The following FHIT variants were observed in gnomAD, a reference collection of about 807,000 sequenced individuals.
The protein encoded by FHIT is fragile histidine triad diadenosine triphosphatase.
A neutral mutation model predicts 17.9 loss-of-function variants in FHIT; 19 were observed. That is an observed-to-expected ratio of 1.06 (90% confidence interval 0.74 to 1.56). FHIT has a LOEUF of 1.56. Ranked by LOEUF, FHIT falls within the 40% of genes most tolerant of loss-of-function variation. FHIT has a pLI of 0.00. For missense variants in FHIT, 248 were observed against 189.2 expected (o/e 1.31, Z -1.82); for synonymous variants, 81 against 69.7 (o/e 1.16, Z -0.81).
intron 2 of FHIT, among the ~76,000 whole-genome samples, chr3:61,079,363 G>C (rs925909188): frequency 1.3e-5 from 2 of 151,944 alleles, no homozygotes; most frequent in African/African-American, 2.4e-5. Context: ...AGTGTTTCTG[G>C]CTTTTTGCAA....
At chr3:60,456,378 T>C (rs1210510570) in intron 5 of FHIT, among the ~76,000 whole-genome samples, 1 of 152,194 alleles carries the variant, frequency 6.6e-6, no homozygotes, top group African/African-American at 2.4e-5. Flanking sequence ...AAACCAGAAT[T>C]GAATTGTTAC....
intron 5 of FHIT, among the ~76,000 whole-genome samples, chr3:60,353,767 G>T (rs113881020): frequency 0.011 from 1,601 of 152,056 alleles, 36 homozygotes; most frequent in African/African-American, 0.037. Context: ...CTGTAAAAAA[G>T]TCAATCTCAA....
intron 5 of FHIT, among the ~76,000 whole-genome samples, chr3:60,366,179 T>C (rs1334011465): frequency 6.6e-6 from 1 of 152,156 alleles, no homozygotes; most frequent in South Asian, 2.1e-4. Flanking sequence ...CTATGTTCAG[T>C]CCCTCCGCCT....
chr3:60,372,749 T>C (rs1323881868), intron 5 of FHIT, among the ~76,000 whole-genome samples: 1 of 152,248 alleles, frequency 6.6e-6, no homozygotes, highest in Non-Finnish European at 1.5e-5. Context: ...CTTTTATTTC[T>C]TCCTTATCTA....
intron 5 of FHIT, among the ~76,000 whole-genome samples, chr3:60,225,011 A>ATGCCC (rs1704129557): frequency 6.6e-6 from 1 of 152,020 alleles, no homozygotes; most frequent in Non-Finnish European, 1.5e-5. Flanking sequence ...ATGAGCCACC[A>ATGCCC]CGCCCAGCCA....
At chr3:60,196,650 A>C (rs1429295185) in intron 5 of FHIT, among the ~76,000 whole-genome samples, 1 of 152,138 alleles carries the variant, frequency 6.6e-6, no homozygotes, top group East Asian at 1.9e-4. Context: ...CCCTAAGTGC[A>C]GACGGAAGCA....
intron 8 of FHIT, among the ~76,000 whole-genome samples, chr3:59,786,420 C>G (rs1016480084): frequency 6.6e-6 from 1 of 152,204 alleles, no homozygotes; most frequent in Non-Finnish European, 1.5e-5. Context: ...GTATGTTTCC[C>G]TAGCCATTTC....
intron 8 of FHIT, among the ~76,000 whole-genome samples, chr3:59,875,033 T>A (rs1199708394): frequency 6.6e-6 from 1 of 152,184 alleles, no homozygotes; most frequent in Non-Finnish European, 1.5e-5. Context: ...CTTATTAGAG[T>A]GGTCCTTCCC....
intron 5 of FHIT, among the ~76,000 whole-genome samples, chr3:60,197,780 C>T (rs1462679594): frequency 1.3e-5 from 2 of 152,158 alleles, no homozygotes; most frequent in Non-Finnish European, 2.9e-5. Context: ...TTAGTTCTGG[C>T]TTATAAAGCA....
At chr3:60,850,096 G>A (rs1295558444) in intron 3 of FHIT, among the ~76,000 whole-genome samples, 1 of 151,898 alleles carries the variant, frequency 6.6e-6, no homozygotes, top group Non-Finnish European at 1.5e-5. Flanking sequence ...CCCCCATTCA[G>A]AATTCTTAAG....
chr3:59,992,410 A>G (rs1326554742), intron 7 of FHIT, among the ~76,000 whole-genome samples: 1 of 152,136 alleles, frequency 6.6e-6, no homozygotes, highest in Non-Finnish European at 1.5e-5. Flanking sequence ...ATCAATTTGT[A>G]GGATATTTCA....
chr3:60,696,814 T>C (rs538961441), intron 4 of FHIT, among the ~76,000 whole-genome samples: 1 of 152,324 alleles, frequency 6.6e-6, no homozygotes, highest in South Asian at 2.1e-4. Flanking sequence ...AGGTTGAAGA[T>C]GTGATTTACT....
chr3:61,150,668 C>T (rs1366832425), intron 2 of FHIT, among the ~76,000 whole-genome samples: 1 of 152,038 alleles, frequency 6.6e-6, no homozygotes, highest in African/African-American at 2.4e-5. Flanking sequence ...TTAATTTTCA[C>T]TGAATTTTTC....
intron 1 of FHIT, among the ~76,000 whole-genome samples, chr3:61,246,698 G>C (rs2040494512): frequency 6.6e-6 from 1 of 151,914 alleles, no homozygotes; most frequent in Non-Finnish European, 1.5e-5. Context: ...CCTGTTGTGG[G>C]GTAGAGGGGG....
intron 4 of FHIT, among the ~76,000 whole-genome samples, chr3:60,642,903 C>T (rs910206507): frequency 6.6e-6 from 1 of 152,194 alleles, no homozygotes; most frequent in Non-Finnish European, 1.5e-5. Flanking sequence ...CCAGAGGAAA[C>T]TTTCCCATGT....
intron 5 of FHIT, among the ~76,000 whole-genome samples, chr3:60,533,388 G>GA (rs1168522611): frequency 6.6e-6 from 1 of 152,122 alleles, no homozygotes; most frequent in African/African-American, 2.4e-5. Flanking sequence ...TGGATGCTAA[G>GA]AAAAAAGAGA....
At chr3:59,929,694 A>G (rs78774145) in intron 7 of FHIT, among the ~76,000 whole-genome samples, 54 of 152,270 alleles carry the variant, frequency 3.5e-4, no homozygotes, top group African/African-American at 1.3e-3. Context: ...TAATGTAACA[A>G]TAAGATTGTT....
At chr3:61,210,497 T>A (rs1365983377) in intron 1 of FHIT, among the ~76,000 whole-genome samples, 1 of 152,194 alleles carries the variant, frequency 6.6e-6, no homozygotes, top group African/African-American at 2.4e-5. Flanking sequence ...ACTCAAGCCT[T>A]GGCAATGGCA....
chr3:60,547,622 A>G (rs1331742323), intron 4 of FHIT, among the ~76,000 whole-genome samples: 1 of 152,170 alleles, frequency 6.6e-6, no homozygotes, highest in African/African-American at 2.4e-5. Context: ...CTCTTATGAC[A>G]TATTTGTACC....
Sources: allele counts gnomAD v4.1 joint callset (sites outside exome capture counted in the v4.1 genomes callset), GRCh38; gene constraint gnomAD v4.1.1; transcripts MANE v1.5; gene names NCBI Gene and HGNC (gene_info 2026-07-23, HGNC 2026-07-21).